Variants in RORA observed in about 807,000 individuals in gnomAD.
RORA encodes nuclear receptor ROR-alpha.
A neutral mutation model predicts 69.5 loss-of-function variants in RORA; 7 were observed. The observed-to-expected ratio is 0.10, with a 90% CI of 0.06 to 0.19. The LOEUF is 0.19. RORA is among the 10% of genes least tolerant of loss of function. The pLI is 1.00. For synonymous variants in RORA, 261 were observed against 240.8 expected, an observed-to-expected ratio of 1.08 and a Z score of -0.78; for missense variants, 457 against 663.0, an observed-to-expected ratio of 0.69 and a Z score of 3.41.
intron 1 of RORA, among the ~76,000 whole-genome samples, chr15:60,917,704 A>G (rs1265741057): frequency 6.6e-6 from 1 of 152,220 alleles, no homozygotes; most frequent in Non-Finnish European, 1.5e-5. Flanking sequence ...TTTACCAGTT[A>G]AAGGCAAGGG....
intron 1 of RORA, among the ~76,000 whole-genome samples, chr15:60,911,424 A>T (rs952738751): frequency 6.6e-6 from 1 of 152,138 alleles, no homozygotes; most frequent in African/African-American, 2.4e-5. Flanking sequence ...CAGTCAGTTG[A>T]CTTTACTGGC....
intron 1 of RORA, among the ~76,000 whole-genome samples, chr15:60,895,035 A>T (rs1891194115): frequency 6.6e-6 from 1 of 152,218 alleles, no homozygotes; most frequent in South Asian, 2.1e-4. Flanking sequence ...CAGAAGGCTT[A>T]AAAACCTGGG....
intron 1 of RORA, among the ~76,000 whole-genome samples, chr15:60,937,100 A>G (rs573607513): frequency 1.3e-5 from 2 of 152,306 alleles, no homozygotes; most frequent in East Asian, 3.9e-4. Flanking sequence ...TGAGGAATAT[A>G]TCATTATTAT....
At chr15:61,175,767 G>A (rs909442099) in intron 1 of RORA, among the ~76,000 whole-genome samples, 3 of 152,076 alleles carry the variant, frequency 2.0e-5, no homozygotes, top group African/African-American at 7.2e-5. Flanking sequence ...AAAGTTATGT[G>A]TTTGCCCAGG....
chr15:61,008,847 G>A (rs763938923), intron 1 of RORA, among the ~76,000 whole-genome samples: 26 of 152,134 alleles, frequency 1.7e-4, no homozygotes, highest in Non-Finnish European at 3.7e-4. Context: ...TGCAGGAACA[G>A]GCATACTGCT....
chr15:60,611,663 T>C (rs555572907), intron 2 of RORA, among the ~76,000 whole-genome samples: 1 of 130,008 alleles, frequency 7.7e-6, no homozygotes, highest in Non-Finnish European at 1.6e-5. Flanking sequence ...TACCAGCCAA[T>C]AGGCAGGGCT....
At chr15:60,841,146 A>G in intron 1 of RORA, 1 of 894,188 alleles carries the variant, frequency 1.1e-6, no homozygotes, top group Non-Finnish European at 1.3e-6. Flanking sequence ...TTTTCTCTCC[A>G]CGCCATCCCA....
intron 1 of RORA, among the ~76,000 whole-genome samples, chr15:61,111,322 C>T (rs2079004446): frequency 2.0e-5 from 3 of 152,156 alleles, no homozygotes; most frequent in South Asian, 4.1e-4. Flanking sequence ...GGAAGGCATG[C>T]TTACTGGTGC....
chr15:60,811,435 A>G (rs2072741581), intron 1 of RORA, among the ~76,000 whole-genome samples: 1 of 152,146 alleles, frequency 6.6e-6, no homozygotes, highest in Admixed American at 6.5e-5. Flanking sequence ...ATTGTTGCCA[A>G]TCTATTCTCC....
At chr15:60,803,572 G>A (rs755649292) in intron 1 of RORA, among the ~76,000 whole-genome samples, 30 of 152,226 alleles carry the variant, frequency 2.0e-4, no homozygotes, top group African/African-American at 3.4e-4. Flanking sequence ...ATTGCAGAGC[G>A]GGAGGGATGC....
At chr15:61,068,740 CT>C (rs1181237463) in intron 1 of RORA, among the ~76,000 whole-genome samples, 1 of 152,200 alleles carries the variant, frequency 6.6e-6, no homozygotes, top group African/African-American at 2.4e-5. Context: ...CATGTATAAG[CT>C]TTAGCTTAGC....
At chr15:60,642,864 A>G (rs975579050) in intron 2 of RORA, among the ~76,000 whole-genome samples, 1 of 152,110 alleles carries the variant, frequency 6.6e-6, no homozygotes, top group East Asian at 1.9e-4. Flanking sequence ...CAACAGAGAG[A>G]GACACTGTCT....
In RORA at chr15:60,856,071, C is replaced by A. The variant is rs530169532; in HGVS notation, c.167-177385G>T. Among the ~76,000 whole-genome samples, 955 of 152,250 alleles carry A rather than the reference C, an allele frequency of 6.3e-3. 2 individuals are homozygous for A. Among genetic ancestry groups the A allele is most frequent in the Non-Finnish European group, 9.3e-3 (633 of 68,018 alleles). ...TCAGCAACCTCAAGGGATCCTTAAACCCACTCATGTTAAATATGGTGGCCC... is the reference window on the plus strand; with the variant it reads ...TCAGCAACCTCAAGGGATCCTTAAAACCACTCATGTTAAATATGGTGGCCC... On this transcript the variant is annotated intron_variant, in intron 1 of 10. Transcript: ENST00000335670.
chr15:60,604,126 C>CT (rs1448389113), intron 2 of RORA, among the ~76,000 whole-genome samples: 1 of 99,656 alleles, frequency 1.0e-5, no homozygotes, highest in Admixed American at 1.2e-4. Flanking sequence ...GAGCGAGACT[C>CT]TGTCTCAAAA....
intron 1 of RORA, among the ~76,000 whole-genome samples, chr15:60,919,969 AGAAGAGCCAG>A (rs1891994416): frequency 6.6e-6 from 1 of 152,238 alleles, no homozygotes; most frequent in Non-Finnish European, 1.5e-5. Context: ...TAGAACGTAC[AGAAGAGCCAG>A]GAAGGATCAC....
At chr15:60,667,288 G>A (rs1303520497) in intron 2 of RORA, among the ~76,000 whole-genome samples, 1 of 152,186 alleles carries the variant, frequency 6.6e-6, no homozygotes, top group Non-Finnish European at 1.5e-5. Context: ...TTTACTGCCT[G>A]ACAAGCCTTA....
At chr15:61,168,699 G>A (rs1008160502) in intron 1 of RORA, among the ~76,000 whole-genome samples, 6 of 152,192 alleles carry the variant, frequency 3.9e-5, no homozygotes, top group East Asian at 1.9e-4. Context: ...TACATGAAGC[G>A]TTTTATGGTT....
chr15:60,773,986 T>G (rs1016835731), intron 1 of RORA, among the ~76,000 whole-genome samples: 3 of 152,252 alleles, frequency 2.0e-5, no homozygotes, highest in African/African-American at 7.2e-5. Context: ...AAGATGCTAA[T>G]TGTTCATGCA....
intron 1 of RORA, among the ~76,000 whole-genome samples, chr15:61,090,274 C>A (rs2078686390): frequency 6.6e-6 from 1 of 152,182 alleles, no homozygotes; most frequent in Non-Finnish European, 1.5e-5. Flanking sequence ...ACTAAGAGAT[C>A]TGAATCAACT....
Sources: gnomAD v4.1 joint callset for allele counts (sites outside exome capture counted in the v4.1 genomes callset) on GRCh38, gnomAD v4.1.1 for gene constraint, MANE v1.5 for transcripts, NCBI Gene and HGNC (gene_info 2026-07-23, HGNC 2026-07-21) for gene names.